Variants in CSMD1 observed in about 807,000 individuals in gnomAD.
The protein encoded by CSMD1 is CUB and Sushi multiple domains 1.
Under a neutral mutation model 417.5 loss-of-function variants are expected in CSMD1, and 213 were observed. The ratio of observed to expected loss-of-function variants is 0.51; its 90% confidence interval spans 0.46 to 0.57. CSMD1 has a LOEUF of 0.57. Ranked by LOEUF, CSMD1 falls within the 20% of genes least tolerant of loss-of-function variation. CSMD1 has a pLI of 0.00. For missense variants in CSMD1, 6,923 were observed against 4,529.7 expected (o/e 1.53, Z -15.17); for synonymous variants, 2,862 against 1,736.8 (o/e 1.65, Z -16.11).
intron 3 of CSMD1, among the ~76,000 whole-genome samples, chr8:4,204,567 T>C (rs2131266287): frequency 6.6e-6 from 1 of 152,294 alleles, no homozygotes; most frequent in South Asian, 2.1e-4. Context: ...TTTTCTATAC[T>C]GAGAGGAAGA....
chr8:3,149,903 T>C (rs903074970), intron 40 of CSMD1, among the ~76,000 whole-genome samples: 1 of 152,202 alleles, frequency 6.6e-6, no homozygotes, highest in Non-Finnish European at 1.5e-5. Context: ...CTGATGTTAA[T>C]GACTATAATA....
chr8:4,306,618 A>C (rs73191920), intron 3 of CSMD1, among the ~76,000 whole-genome samples: 54 of 152,192 alleles, frequency 3.5e-4, no homozygotes, highest in Non-Finnish European at 6.0e-4. Flanking sequence ...TGGCCTCTTC[A>C]ATCTCATTCA....
intron 4 of CSMD1, among the ~76,000 whole-genome samples, chr8:4,004,128 C>G (rs1815918337): frequency 6.6e-6 from 1 of 151,902 alleles, no homozygotes; most frequent in Admixed American, 6.6e-5. Context: ...ATGTATATTT[C>G]AAGTTAACTA....
intron 3 of CSMD1, among the ~76,000 whole-genome samples, chr8:4,164,334 A>G (rs987640690): frequency 6.6e-6 from 1 of 152,184 alleles, no homozygotes; most frequent in African/African-American, 2.4e-5. Flanking sequence ...ACATATCTAA[A>G]TAGTATTCAT....
intron 7 of CSMD1, among the ~76,000 whole-genome samples, chr8:3,701,944 G>C (rs543850803): frequency 1.2e-4 from 18 of 152,196 alleles, no homozygotes; most frequent in Non-Finnish European, 2.2e-4. Context: ...TGGAAACTAG[G>C]GGCGAATATC....
chr8:3,407,803 T>C, intron 14 of CSMD1, 96 bp downstream of exon 14: 2 of 1,036,836 alleles, frequency 1.9e-6, no homozygotes, highest in Non-Finnish European at 2.8e-6. Context: ...CTCTGAAGTA[T>C]CAACCTTGAA....
chr8:3,595,607 G>T lies in CSMD1; in HGVS notation c.1098-9347C>A, dbSNP rs567555302. On this transcript the variant is annotated intron_variant, in intron 8 of 69. Coordinates refer to ENST00000635120, the MANE Select transcript of CSMD1 (RefSeq NM_033225.6). ...AATCAAAATATAGGATGGTTCCAGG[G>T]TATAAGCAACAGTAAGCTTGGAGTG... is the stretch of plus-strand genomic sequence containing the variant. Among the ~76,000 whole-genome samples the T allele has an allele frequency of 5.3e-5, 8 of 152,130 alleles. No homozygotes were observed. In the East Asian group the frequency reaches 1.3e-3, roughly 26 times the overall value.
intron 7 of CSMD1, among the ~76,000 whole-genome samples, chr8:3,636,042 A>C (rs1797030150): frequency 6.6e-6 from 1 of 151,782 alleles, no homozygotes. Flanking sequence ...TTCAGTCTTA[A>C]TATCCTTACT....
chr8:4,325,947 C>A (rs574415566), intron 3 of CSMD1, among the ~76,000 whole-genome samples: 1 of 152,066 alleles, frequency 6.6e-6, no homozygotes, highest in South Asian at 2.1e-4. Context: ...TTTCTGTTCA[C>A]GGTCATATCA....
intron 2 of CSMD1, among the ~76,000 whole-genome samples, chr8:4,442,432 G>C (rs981153073): frequency 6.6e-6 from 1 of 152,056 alleles, no homozygotes; most frequent in Non-Finnish European, 1.5e-5. Flanking sequence ...AACATATAAA[G>C]CCCAGTTCTA....
intron 7 of CSMD1, among the ~76,000 whole-genome samples, chr8:3,682,984 G>C (rs1314737594): frequency 4.6e-5 from 7 of 152,058 alleles, no homozygotes; most frequent in Non-Finnish European, 8.8e-5. Context: ...CTCATACGTG[G>C]GAACTGAACA....
intron 1 of CSMD1, among the ~76,000 whole-genome samples, chr8:4,949,847 G>A (rs895642613): frequency 2.2e-4 from 33 of 152,126 alleles, no homozygotes; most frequent in African/African-American, 8.0e-4. Context: ...TATATAGAGA[G>A]AATATATAAG....
chr8:4,136,021 T>G (rs1803410124), intron 3 of CSMD1, among the ~76,000 whole-genome samples: 1 of 152,140 alleles, frequency 6.6e-6, no homozygotes, highest in African/African-American at 2.4e-5. Context: ...CAAAAAATAT[T>G]ATGGGTAAAA....
At chr8:3,988,131 A>G (rs1218621478) in intron 5 of CSMD1, among the ~76,000 whole-genome samples, 1 of 152,164 alleles carries the variant, frequency 6.6e-6, no homozygotes. Flanking sequence ...TCTTATTCAT[A>G]GTCATCTGCT....
intron 5 of CSMD1, among the ~76,000 whole-genome samples, chr8:3,951,234 C>G (rs965388712): frequency 6.6e-6 from 1 of 152,146 alleles, no homozygotes; most frequent in Non-Finnish European, 1.5e-5. Context: ...CAGGCGGGCA[C>G]GGGTCTGACG....
intron 1 of CSMD1, among the ~76,000 whole-genome samples, chr8:4,970,627 C>A (rs551792646): frequency 3.3e-5 from 5 of 152,060 alleles, no homozygotes; most frequent in African/African-American, 1.2e-4. Flanking sequence ...TGATAGGAAG[C>A]TTGTGTGACT....
At chr8:4,418,347 G>T (rs1797061272) in intron 3 of CSMD1, among the ~76,000 whole-genome samples, 1 of 151,968 alleles carries the variant, frequency 6.6e-6, no homozygotes, top group South Asian at 2.1e-4. Flanking sequence ...AGACAATCTT[G>T]CCCTATTTTC....
At chr8:3,139,557 C>G (rs1017020797) in intron 41 of CSMD1, among the ~76,000 whole-genome samples, 2 of 151,994 alleles carry the variant, frequency 1.3e-5, no homozygotes, top group African/African-American at 4.8e-5. Flanking sequence ...ATGTTAGACA[C>G]CAGGTAAATA....
At chr8:4,121,207 C>A (rs772959565) in intron 3 of CSMD1, among the ~76,000 whole-genome samples, 3 of 152,056 alleles carry the variant, frequency 2.0e-5, no homozygotes, top group South Asian at 2.1e-4. Flanking sequence ...CTCTGCCTCT[C>A]GGGTTCAAGC....
Sources: gnomAD v4.1 joint callset for allele counts (sites outside exome capture counted in the v4.1 genomes callset) on GRCh38, gnomAD v4.1.1 for gene constraint, MANE v1.5 for transcripts, NCBI Gene and HGNC (gene_info 2026-07-23, HGNC 2026-07-21) for gene names.